MYO9A: variants seen among roughly 807,000 people sequenced by gnomAD.
MYO9A encodes the protein unconventional myosin-IXa.
A neutral mutation model predicts 293.3 loss-of-function variants in MYO9A; 103 were observed. The ratio of observed to expected loss-of-function variants is 0.35; its 90% CI spans 0.30 to 0.41. The LOEUF (loss-of-function observed/expected upper bound fraction) is 0.41. Among genes scored for constraint, MYO9A ranks in the 10% least tolerant of loss-of-function variants. The probability of loss-of-function intolerance (pLI) is 1.00; values close to 1 mark genes in which losing one functional copy is unlikely to be tolerated. For synonymous variants in MYO9A, 1,001 were observed against 1,035.7 expected, an observed-to-expected ratio of 0.97 and a Z score of 0.64; for missense variants, 2,685 against 3,033.0, an observed-to-expected ratio of 0.89 and a Z score of 2.69.
intron 8 of MYO9A, among the ~76,000 whole-genome samples, chr15:72,006,800 C>G (rs28403882): frequency 6.6e-6 from 1 of 152,098 alleles, no homozygotes; most frequent in Admixed American, 6.5e-5. Context: ...AGGTGCTGTT[C>G]TAAGTAATTT....
chr15:72,057,408 G>A (rs1162511510), intron 1 of MYO9A, among the ~76,000 whole-genome samples: 5 of 152,322 alleles, frequency 3.3e-5, no homozygotes, highest in Admixed American at 3.3e-4. Flanking sequence ...AGCTTAGCCT[G>A]ACCAGTAAGT....
intron 15 of MYO9A, among the ~76,000 whole-genome samples, chr15:71,943,384 T>C (rs1414483377): frequency 6.6e-6 from 1 of 152,072 alleles, no homozygotes; most frequent in Non-Finnish European, 1.5e-5. Context: ...CAGTATCTTC[T>C]ATATTTGTCT....
intron 1 of MYO9A, among the ~76,000 whole-genome samples, chr15:72,048,781 A>T (rs1419998920): frequency 6.6e-6 from 1 of 152,212 alleles, no homozygotes; most frequent in Non-Finnish European, 1.5e-5. Context: ...TTAATACTGC[A>T]TTGACTTTAC....
chr15:72,080,269 A>G (rs888055080), intron 1 of MYO9A, among the ~76,000 whole-genome samples: 8 of 147,894 alleles, frequency 5.4e-5, no homozygotes, highest in Non-Finnish European at 1.0e-4. Flanking sequence ...TATAAAATCA[A>G]CTAACAACGT....
intron 14 of MYO9A, among the ~76,000 whole-genome samples, chr15:71,956,981 T>C (rs560272617): frequency 2.0e-5 from 3 of 152,122 alleles, no homozygotes; most frequent in African/African-American, 7.2e-5. Flanking sequence ...TACCACCTTT[T>C]GTTCATCCAT....
chr15:71,908,321 C>T (rs561991776), intron 19 of MYO9A, among the ~76,000 whole-genome samples: 12 of 152,044 alleles, frequency 7.9e-5, no homozygotes, highest in African/African-American at 1.4e-4. Context: ...TTTTGGTACC[C>T]GGCTAATTTT....
At chr15:71,956,357 C>T (rs1174409792) in intron 14 of MYO9A, among the ~76,000 whole-genome samples, 13 of 59,104 alleles carry the variant, frequency 2.2e-4, no homozygotes, top group Admixed American at 6.6e-4. Flanking sequence ...ATATAAAATA[C>T]GCCCAGCGTG....
Position 71,960,090 on chromosome 15 carries a change from G to A in MYO9A, c.1993C>T (p.Arg665Trp), listed in dbSNP as rs1446777370. ...GKVKYGVKDFREKNTDHMRPD... is the reference protein window; with the variant it reads ...GKVKYGVKDFWEKNTDHMRPD... ...CGCATATGATCTGTATTTTTTTCCC[G>A]GAAATCCTATATGAAAAAAGTACCA... The change falls in exon 14 of 42, where the codon CGG (arginine) becomes TGG (tryptophan). Residue 665 changes from arginine (R) to tryptophan (W), a missense_variant. Physicochemically the swap from Arg to Trp is moderately radical, Grantham distance 101. Around this residue, in one of 10 missense-constraint regions of MYO9A, gnomAD observed 201 missense variants for 245.2 expected, o/e 0.82. Transcript: ENST00000356056. The A allele has an allele frequency of 4.3e-6, 7 of 1,613,010 alleles. No individual in the cohort carries two copies. Among genetic ancestry groups the A allele is most frequent in the South Asian group, 1.1e-5 (1 of 90,910 alleles).
Position 71,826,139 on chromosome 15 carries a change from C to CCTAA in MYO9A, c.*437_*440dup, listed in dbSNP as rs1212206096. 1.3e-5 allele frequency: 2 copies of CCTAA among 153,784 alleles called. No individual in the cohort carries two copies. Among genetic ancestry groups the CCTAA allele is most frequent in the African/African-American group, 4.8e-5 (2 of 41,286 alleles). The allele number at this position is 153,784 out of a possible 1,614,324, so 9.5% of individuals were successfully genotyped here. ...AAAAAAATTATATTCTACCCTAGCTCCTAACTATCCCAAAATAAACCCAAA... is the reference window on the plus strand; with the variant it reads ...AAAAAAATTATATTCTACCCTAGCTCCTAACTAACTATCCCAAAATAAACCCAAA... On this transcript the variant is annotated 3_prime_UTR_variant, in exon 42 of 42. Coordinates refer to ENST00000356056, the MANE Select transcript of MYO9A (RefSeq NM_006901.4).
In MYO9A at chr15:71,874,086, T is replaced by G. The variant is rs28662800; in HGVS notation, c.5979+1705A>C. The stretch of plus-strand genomic sequence containing the variant: ...GGCTAAGGAGTTAGGTATACTACTT[T>G]CAAAATTCTGTACTTGTGAAAAGGC... On this transcript the variant is annotated intron_variant, in intron 32 of 41. Coordinates refer to ENST00000356056, the MANE Select transcript of MYO9A (RefSeq NM_006901.4). Among the ~76,000 whole-genome samples the G allele has an allele frequency of 5.6e-3, 859 of 152,276 alleles. 12 individuals carry two copies. Among genetic ancestry groups the G allele is most frequent in the African/African-American group, 0.02 (813 of 41,548 alleles).
At chr15:72,114,645 C>T (rs772831087) in intron 1 of MYO9A, 1 of 152,258 alleles carries the variant, frequency 6.6e-6, no homozygotes, top group Non-Finnish European at 1.5e-5. Context: ...AGTTTTGTTT[C>T]CTAAATGTTT....
rs201048584 is a variant in MYO9A at position 71,825,911 on chromosome 15, A to AAT, written c.*667_*668dup. On this transcript the variant is annotated 3_prime_UTR_variant, in exon 42 of 42. Transcript: ENST00000356056. ...TATGACATCAAACATCATCAAAAAA[A>AAT]ATAGGTATTCTCTTCTTCACTGTAT... 5 of 148,214 alleles carry AAT rather than the reference A, an allele frequency of 3.4e-5. No homozygotes were observed. Among genetic ancestry groups the AAT allele is most frequent in the Admixed American group, 2.0e-4 (3 of 14,948 alleles). The allele number at this position is 148,214 out of a possible 1,614,324, so 9.2% of individuals were successfully genotyped here. A position where few individuals can be genotyped will look rare whatever the true frequency, so the allele number is the denominator to read the frequency against.
At chr15:71,939,881 T>TA (rs980295338) in intron 15 of MYO9A, among the ~76,000 whole-genome samples, 2 of 152,062 alleles carry the variant, frequency 1.3e-5, no homozygotes, top group Non-Finnish European at 1.5e-5. Flanking sequence ...TGGAATAATT[T>TA]AAAAAAACTG....
At chr15:71,917,397 T>C (rs904690131) in intron 18 of MYO9A, among the ~76,000 whole-genome samples, 1 of 151,982 alleles carries the variant, frequency 6.6e-6, no homozygotes, top group Non-Finnish European at 1.5e-5. Context: ...TAGGCAGGCA[T>C]GGTGGCACGT....
chr15:72,077,727 C>G (rs1251512039), intron 1 of MYO9A, among the ~76,000 whole-genome samples: 1 of 80,018 alleles, frequency 1.2e-5, no homozygotes, highest in Middle Eastern at 6.8e-3. Context: ...GAGACTCTGT[C>G]TCAAAGAAAA....
intron 1 of MYO9A, among the ~76,000 whole-genome samples, chr15:72,110,435 CAAAAAAAAA>C (rs397854173): frequency 2.2e-5 from 1 of 45,104 alleles, no homozygotes; most frequent in African/African-American, 7.6e-5. Flanking sequence ...GACTCCATCT[CAAAAAAAAA>C]AAAAAAAAAA....
chr15:72,029,322 T>C (rs118176412), intron 3 of MYO9A, among the ~76,000 whole-genome samples: 8 of 152,308 alleles, frequency 5.3e-5, no homozygotes, highest in East Asian at 3.9e-4. Flanking sequence ...ATTTTGTTGT[T>C]TGTCAGCATC....
intron 13 of MYO9A, among the ~76,000 whole-genome samples, chr15:71,962,812 C>T (rs2075777852): frequency 6.6e-6 from 1 of 152,174 alleles, no homozygotes; most frequent in African/African-American, 2.4e-5. Context: ...AACCTAAAAA[C>T]CTAGGATTCT....
At chr15:72,014,106 C>T (rs2077253096) in intron 6 of MYO9A, among the ~76,000 whole-genome samples, 1 of 152,182 alleles carries the variant, frequency 6.6e-6, no homozygotes, top group African/African-American at 2.4e-5. Context: ...TGTCCAGTTC[C>T]ATATTATATT....
Sources: allele counts gnomAD v4.1 joint callset (sites outside exome capture counted in the v4.1 genomes callset), GRCh38; gene constraint gnomAD v4.1.1; regional missense constraint gnomAD v4.1.1; transcripts MANE v1.5; gene names NCBI Gene and HGNC (gene_info 2026-07-23, HGNC 2026-07-21).